The following PTPRD variants were observed in gnomAD, a reference collection of about 807,000 sequenced individuals.
PTPRD encodes protein tyrosine phosphatase receptor type D, also known as receptor-type tyrosine-protein phosphatase delta.
A neutral mutation model predicts 214.5 loss-of-function variants in PTPRD; 34 were observed. The observed-to-expected ratio is 0.16, with a 90% CI of 0.12 to 0.21. PTPRD has a LOEUF of 0.21. Ranked by LOEUF, PTPRD falls within the 10% of genes least tolerant of loss-of-function variation. The probability of loss-of-function intolerance (pLI) is 1.00; values close to 1 mark genes in which losing one functional copy is unlikely to be tolerated. For synonymous variants in PTPRD, 1,128 were observed against 845.7 expected (o/e 1.33, Z -5.79); for missense variants, 2,545 against 2,398.7 (o/e 1.06, Z -1.27).
chr9:8,602,627 T>C (rs984403822), intron 14 of PTPRD, among the ~76,000 whole-genome samples: 2 of 152,232 alleles, frequency 1.3e-5, no homozygotes, highest in African/African-American at 2.4e-5. Flanking sequence ...CTCTTTGTAA[T>C]AGTCTCATGT....
In PTPRD at chr9:9,265,118, A is replaced by G. The variant is rs528138769; in HGVS notation, c.-202-81755T>C. ...CAAGTTAACTCACTAAAGTAAGTAT[A>G]TAGTAAAATACAAAATATTCTTTTA... is the stretch of plus-strand genomic sequence containing the variant. On this transcript the variant is annotated intron_variant, in intron 9 of 45. Coordinates refer to ENST00000381196, the MANE Select transcript of PTPRD (RefSeq NM_002839.4). 7.2e-5 allele frequency among the ~76,000 whole-genome samples: 11 copies of G among 151,886 alleles called. No individual in the cohort carries two copies. In the South Asian group the frequency reaches 2.3e-3, roughly 31 times the overall value.
intron 9 of PTPRD, among the ~76,000 whole-genome samples, chr9:9,305,560 C>G (rs1217619701): frequency 6.6e-6 from 1 of 152,082 alleles, no homozygotes; most frequent in African/African-American, 2.4e-5. Flanking sequence ...TAGCGCCTCT[C>G]TCTTCTGTCT....
intron 10 of PTPRD, among the ~76,000 whole-genome samples, chr9:9,098,299 CGGGCTGAAG>C (rs2099786584): frequency 6.6e-6 from 1 of 151,944 alleles, no homozygotes; most frequent in South Asian, 2.1e-4. Context: ...TGTTGTTTCC[CGGGCTGAAG>C]TGCAGTGGTG....
At chr9:9,313,996 CTAGT>C (rs915063641) in intron 9 of PTPRD, among the ~76,000 whole-genome samples, 1 of 152,046 alleles carries the variant, frequency 6.6e-6, no homozygotes, top group African/African-American at 2.4e-5. Flanking sequence ...TGTCATTTAG[CTAGT>C]TAAATGAGCA....
intron 33 of PTPRD, among the ~76,000 whole-genome samples, chr9:8,458,095 A>C (rs899052311): frequency 1.3e-5 from 2 of 152,274 alleles, no homozygotes; most frequent in Admixed American, 1.3e-4. Flanking sequence ...AAATATACTT[A>C]GCATTCGAGG....
chr9:10,524,726 A>C (rs898819007), intron 2 of PTPRD, among the ~76,000 whole-genome samples: 2 of 152,096 alleles, frequency 1.3e-5, no homozygotes, highest in Admixed American at 1.3e-4. Context: ...GTAACGTATA[A>C]TCTCACTTTG....
At chr9:8,794,191 G>A (rs1289498603) in intron 11 of PTPRD, among the ~76,000 whole-genome samples, 1 of 152,134 alleles carries the variant, frequency 6.6e-6, no homozygotes, top group Admixed American at 6.5e-5. Context: ...AAAAACATCT[G>A]CTCCCTAAAC....
intron 2 of PTPRD, among the ~76,000 whole-genome samples, chr9:10,556,249 T>A (rs1590829607): frequency 6.6e-6 from 1 of 152,032 alleles, no homozygotes; most frequent in East Asian, 1.9e-4. Flanking sequence ...ATCAATATAA[T>A]AGCTATACAA....
At chr9:10,543,213 T>C (rs1033106253) in intron 2 of PTPRD, among the ~76,000 whole-genome samples, 2 of 152,086 alleles carry the variant, frequency 1.3e-5, no homozygotes, top group African/African-American at 4.8e-5. Flanking sequence ...ACTAACATGA[T>C]AAAGGGGAAG....
At chr9:9,216,590 G>T (rs1472748205) in intron 9 of PTPRD, among the ~76,000 whole-genome samples, 1 of 152,120 alleles carries the variant, frequency 6.6e-6, no homozygotes, top group African/African-American at 2.4e-5. Context: ...AGGCAGCTGA[G>T]AATAATAAAA....
At chr9:8,742,524 G>A (rs934235347) in intron 11 of PTPRD, among the ~76,000 whole-genome samples, 1 of 152,042 alleles carries the variant, frequency 6.6e-6, no homozygotes, top group African/African-American at 2.4e-5. Context: ...CTTTTCAAAT[G>A]TTATGGGTAA....
chr9:8,317,237 G>C lies in PTPRD; in HGVS notation c.*637C>G. ...AGTTCTACAGCTTAAAAAAACCTAC[G>C]ATTTGGAAATAAAAAAATGAAGAGT... On this transcript the variant is annotated 3_prime_UTR_variant, in exon 46 of 46. Transcript: ENST00000381196. 4.3e-6 allele frequency: 1 copy of C among 231,698 alleles called. No homozygotes were observed. Among genetic ancestry groups the C allele is most frequent in the Non-Finnish European group, 8.6e-6 (1 of 116,936 alleles). 14.4% of individuals were successfully genotyped at this position (231,698 alleles called of 1,614,324 possible). A position where few individuals can be genotyped will look rare whatever the true frequency, so the allele number is the denominator to read the frequency against.
chr9:9,650,920 A>T (rs1242532311), intron 7 of PTPRD, among the ~76,000 whole-genome samples: 1 of 152,118 alleles, frequency 6.6e-6, no homozygotes, highest in African/African-American at 2.4e-5. Flanking sequence ...AATTAAGTAT[A>T]TTATCTACAA....
intron 2 of PTPRD, among the ~76,000 whole-genome samples, chr9:10,425,603 T>C (rs2098606151): frequency 6.6e-6 from 1 of 151,996 alleles, no homozygotes; most frequent in Admixed American, 6.6e-5. Context: ...AAAATGCTAA[T>C]CATCTCTGGA....
In PTPRD at chr9:9,827,768, G is replaced by A. The variant is rs548618699; in HGVS notation, c.-367-60917C>T. Reference sequence around the variant, plus strand: ...TTTGCAATCTACTCATCTGACAAAGGGCTAATATCTAGAATCTACAAAGAA... The same window carrying A: ...TTTGCAATCTACTCATCTGACAAAGAGCTAATATCTAGAATCTACAAAGAA... On this transcript the variant is annotated intron_variant, in intron 5 of 45. Coordinates refer to ENST00000381196, the MANE Select transcript of PTPRD (RefSeq NM_002839.4). Among the ~76,000 whole-genome samples the A allele has an allele frequency of 1.1e-3, 161 of 152,072 alleles. 1 individual carries two copies. The highest frequency in any genetic ancestry group is 1.3e-3 in the Non-Finnish European group (89 of 67,986).
Position 9,207,201 on chromosome 9 carries a change from C to A in PTPRD, c.-202-23838G>T, listed in dbSNP as rs138541161. ...CTTGCTGTAACTGAGTAGGGGGAAT[C>A]TAGGAGAGAAGAGTTGGTGTGTGGT... On this transcript the variant is annotated intron_variant, in intron 9 of 45. Coordinates refer to ENST00000381196, the MANE Select transcript of PTPRD (RefSeq NM_002839.4). 4.3e-3 allele frequency among the ~76,000 whole-genome samples: 659 copies of A among 152,184 alleles called. 18 individuals carry two copies. Among genetic ancestry groups the A allele is most frequent in the Admixed American group, 0.039 (594 of 15,278 alleles).
chr9:9,801,368 C>T (rs1051902877), intron 5 of PTPRD, among the ~76,000 whole-genome samples: 4 of 151,480 alleles, frequency 2.6e-5, no homozygotes, highest in African/African-American at 9.7e-5. Flanking sequence ...CAGTATAAAA[C>T]AGGAATGGAA....
At chr9:9,349,658 T>C (rs1217851190) in intron 9 of PTPRD, among the ~76,000 whole-genome samples, 2 of 151,852 alleles carry the variant, frequency 1.3e-5, no homozygotes, top group Non-Finnish European at 2.9e-5. Context: ...TTTACTTTCC[T>C]TAATTTTCTC....
chr9:9,341,705 C>A (rs1174500356), intron 9 of PTPRD, among the ~76,000 whole-genome samples: 1 of 151,994 alleles, frequency 6.6e-6, no homozygotes, highest in Non-Finnish European at 1.5e-5. Context: ...TTCTTATACC[C>A]CTTTCTGTAT....
Sources: allele counts gnomAD v4.1 joint callset (sites outside exome capture counted in the v4.1 genomes callset), GRCh38; gene constraint gnomAD v4.1.1; transcripts MANE v1.5; gene names NCBI Gene and HGNC (gene_info 2026-07-23, HGNC 2026-07-21).